CPLANE1: variants seen among roughly 807,000 people sequenced by gnomAD.
CPLANE1 encodes the protein ciliogenesis and planar polarity effector 1.
A neutral mutation model predicts 362.5 loss-of-function variants in CPLANE1; 263 were observed. That is an observed-to-expected ratio of 0.73 (90% CI 0.66 to 0.80). The LOEUF is 0.80. Among genes scored for constraint, CPLANE1 ranks in the 30% least tolerant of loss-of-function variants. CPLANE1 has a pLI of 0.00. For synonymous variants in CPLANE1, 1,212 were observed against 1,302.6 expected, an observed-to-expected ratio of 0.93 and a Z score of 1.50; for missense variants, 3,461 against 3,793.4, an observed-to-expected ratio of 0.91 and a Z score of 2.30.
intron 18 of CPLANE1, among the ~76,000 whole-genome samples, chr5:37,203,971 C>G (rs1424088305): frequency 2.6e-5 from 4 of 152,188 alleles, no homozygotes; most frequent in African/African-American, 9.7e-5. Flanking sequence ...GGCAATTCCC[C>G]TTACTTTATT....
chr5:37,174,193 T>C (rs769390851), intron 31 of CPLANE1, among the ~76,000 whole-genome samples: 3 of 152,192 alleles, frequency 2.0e-5, no homozygotes, highest in South Asian at 4.1e-4. Context: ...GGCTCCTTCA[T>C]AGGGTGTTGC....
At chr5:37,154,560 C>T (rs116258326) in intron 41 of CPLANE1, among the ~76,000 whole-genome samples, 4,200 of 150,244 alleles carry the variant, frequency 0.028, 90 homozygotes, top group Middle Eastern at 0.1. Context: ...CTCAGTCTCC[C>T]AAAGTGCTGG....
At chr5:37,133,206 A>T (rs1374501256) in intron 46 of CPLANE1, among the ~76,000 whole-genome samples, 3 of 152,116 alleles carry the variant, frequency 2.0e-5, no homozygotes, top group Non-Finnish European at 4.4e-5. Flanking sequence ...AGGTAACATG[A>T]TGACTCTGGC....
At chr5:37,167,352 T>G (rs908426042) in intron 34 of CPLANE1, 139 bp from the exon 35 acceptor site, 15 of 694,506 alleles carry the variant, frequency 2.2e-5, no homozygotes, top group Non-Finnish European at 3.0e-5. Context: ...AACAAATTGA[T>G]TTAAACTGGC....
At chr5:37,233,212 T>C (rs944801938) in intron 8 of CPLANE1, among the ~76,000 whole-genome samples, 1 of 152,112 alleles carries the variant, frequency 6.6e-6, no homozygotes, top group Non-Finnish European at 1.5e-5. Context: ...ATACCAGGGA[T>C]CTACAGACTT....
chr5:37,101,276 G>T (rs763038286), downstream of CPLANE1, among the ~76,000 whole-genome samples: 33 of 152,174 alleles, frequency 2.2e-4, no homozygotes, highest in Non-Finnish European at 4.0e-4. Flanking sequence ...TTAGAGGTAT[G>T]TTCCTTCAAT....
At chr5:37,238,036 G>A (rs1038063707) in intron 8 of CPLANE1, among the ~76,000 whole-genome samples, 1 of 152,090 alleles carries the variant, frequency 6.6e-6, no homozygotes, top group Admixed American at 6.6e-5. Context: ...AAAAAAATTA[G>A]CTACATACAG....
chr5:37,227,873 C>G, intron 9 of CPLANE1, 56 bp from the exon 10 acceptor site: 1 of 1,440,312 alleles, frequency 6.9e-7, no homozygotes, highest in Non-Finnish European at 9.2e-7. Context: ...TTACGGAAAA[C>G]AATAATGTTT....
chr5:37,186,364 AG>A lies in CPLANE1; in HGVS notation c.4110del (p.Tyr1371IlefsTer5). Reference protein sequence around the residue: ...KVAEIFVKAFPYPEDVRVPLR... With the variant: ...KVAEIFVKAFXYPEDVRVPLR... The stretch of plus-strand genomic sequence containing the variant: ...AAAGGAACCCTCACGTCCTCAGGAT[AG>A]GGAAATGCTTTCACGAAAATTTCTG... On this transcript the variant is annotated frameshift_variant, in exon 24 of 53. Coordinates refer to ENST00000651892, the MANE Select transcript of CPLANE1 (RefSeq NM_001384732.1). 6.2e-7 allele frequency: 1 copy of A among 1,602,012 alleles called. No homozygotes were observed. Among genetic ancestry groups the A allele is most frequent in the Non-Finnish European group, 8.5e-7 (1 of 1,170,008 alleles).
At chr5:37,089,768 C>T in the CPLANE1 span, among the ~76,000 whole-genome samples, 5 of 152,228 alleles carry the variant, frequency 3.3e-5, no homozygotes, top group African/African-American at 9.6e-5. Context: ...AATTCATTTA[C>T]AATATCAGCT....
chr5:37,181,975 C>A (rs1033185628), intron 26 of CPLANE1, among the ~76,000 whole-genome samples: 6 of 151,978 alleles, frequency 3.9e-5, no homozygotes, highest in Non-Finnish European at 8.8e-5. Context: ...GCCTGTAGTC[C>A]CAGCTACTCA....
At chr5:37,208,511 A>C (rs1020193236) in intron 16 of CPLANE1, among the ~76,000 whole-genome samples, 9 of 152,196 alleles carry the variant, frequency 5.9e-5, no homozygotes, top group African/African-American at 2.2e-4. Flanking sequence ...CCCCGTCTCC[A>C]CTAAAAATAC....
chr5:37,094,384 G>A, the CPLANE1 span, among the ~76,000 whole-genome samples: 1 of 152,138 alleles, frequency 6.6e-6, no homozygotes, highest in Non-Finnish European at 1.5e-5. Context: ...TCTTTGAACT[G>A]AATGACAATA....
chr5:37,225,062 G>A (rs1378712834), intron 12 of CPLANE1, among the ~76,000 whole-genome samples: 4 of 151,168 alleles, frequency 2.6e-5, no homozygotes, highest in African/African-American at 9.7e-5. Flanking sequence ...TGAGATTACA[G>A]GTATGTGCCA....
Position 37,247,798 on chromosome 5 carries a change from A to AC in CPLANE1, c.-47-54_-47-53insG, listed in dbSNP as rs70976289. ...AAATGATGCATAATATTCACTGGGC[A>AC]TTTTTTTTTTTTTTTTGAGACAAGA... On this transcript the variant is annotated intron_variant, in intron 1 of 52. Coordinates refer to ENST00000651892, the MANE Select transcript of CPLANE1 (RefSeq NM_001384732.1). 159 of 1,032,168 alleles carry AC rather than the reference A, an allele frequency of 1.5e-4. No individual in the cohort carries two copies. In the African/African-American group the frequency reaches 2.4e-3, roughly 15 times the overall value. The allele number at this position is 1,032,168 out of a possible 1,614,324, so 63.9% of individuals were successfully genotyped here.
At chr5:37,172,300 T>A (rs1299660108) in intron 32 of CPLANE1, among the ~76,000 whole-genome samples, 3 of 152,184 alleles carry the variant, frequency 2.0e-5, no homozygotes, top group Non-Finnish European at 4.4e-5. Context: ...AATCTAAGGT[T>A]AGCCACTGCT....
chr5:37,201,783 A>T lies in CPLANE1; in HGVS notation c.3315T>A (p.Asn1105Lys). The T allele has an allele frequency of 6.2e-7, 1 of 1,612,766 alleles. No individual in the cohort carries two copies. Among genetic ancestry groups the T allele is most frequent in the Non-Finnish European group, 8.5e-7 (1 of 1,179,154 alleles). ...CTTCTTGTACTGAACCAAATAGCAG[A>T]TTTGCATCTTCCTCTTCAATGGGAT... The part of the protein sequence containing the change: ...FTDPIEEEDA[N>K]LLFGSVQEVL... The change falls in exon 19 of 53, where the codon AAT becomes AAA. Residue 1105 changes from asparagine (N) to lysine (K), a missense_variant. Asn to Lys is a moderately conservative substitution (Grantham distance 94). This residue lies in a region of CPLANE1 where 3,380 missense variants were observed against 3,666.1 expected (regional missense o/e 0.92). Coordinates refer to ENST00000651892, the MANE Select transcript of CPLANE1 (RefSeq NM_001384732.1).
At chr5:37,128,864 A>C (rs1764973614) in intron 46 of CPLANE1, among the ~76,000 whole-genome samples, 1 of 151,224 alleles carries the variant, frequency 6.6e-6, no homozygotes, top group Non-Finnish European at 1.5e-5. Flanking sequence ...ACCAAAAAAA[A>C]ACAAAAAAAA....
At chr5:37,239,605 A>C in intron 7 of CPLANE1, 108 bp downstream of exon 7, 1 of 777,486 alleles carries the variant, frequency 1.3e-6, no homozygotes. Flanking sequence ...AAAAAACCAG[A>C]AAGAAAAAAA....
Sources: allele counts gnomAD v4.1 joint callset (sites outside exome capture counted in the v4.1 genomes callset), GRCh38; gene constraint gnomAD v4.1.1; regional missense constraint gnomAD v4.1.1; transcripts MANE v1.5; gene names NCBI Gene and HGNC (gene_info 2026-07-23, HGNC 2026-07-21).